CFAP20DC: variants seen among roughly 807,000 people sequenced by gnomAD.
CFAP20DC encodes protein CFAP20DC.
Under a neutral mutation model 101.7 loss-of-function variants are expected in CFAP20DC, and 84 were observed. The observed-to-expected ratio is 0.83, with a 90% CI of 0.69 to 0.99. The LOEUF (loss-of-function observed/expected upper bound fraction) is 0.99. Ranked by LOEUF, CFAP20DC falls within the 50% of genes least tolerant of loss-of-function variation. CFAP20DC has a pLI of 0.00. For synonymous variants in CFAP20DC, 359 were observed against 351.2 expected (o/e 1.02, Z -0.25); for missense variants, 1,007 against 970.3 (o/e 1.04, Z -0.50).
At chr3:58,765,490 C>CAAAAAAAAAAAAAAAAAACAA (rs1337049385) in intron 15 of CFAP20DC, among the ~76,000 whole-genome samples, 30 of 81,760 alleles carry the variant, frequency 3.7e-4, no homozygotes, top group African/African-American at 6.6e-4. Context: ...AAAAAAAAAC[C>CAAAAAAAAAAAAAAAAAACAA]AAAAAAAAAA....
chr3:59,014,303 T>G lies in CFAP20DC; in HGVS notation c.278+25254A>C, dbSNP rs919165770. Among the ~76,000 whole-genome samples, 4 of 152,126 alleles carry G rather than the reference T, an allele frequency of 2.6e-5. No homozygotes were observed. The highest frequency in any genetic ancestry group is 4.4e-5 in the Non-Finnish European group (3 of 68,018). On this transcript the variant is annotated intron_variant, in intron 4 of 16. Coordinates refer to ENST00000482387, the MANE Select transcript of CFAP20DC (RefSeq NM_001394063.1). This position sits in a 1 kb window ranked among gnomAD's most constrained non-coding sequence, Gnocchi z 4.9. ...TATGCAAAACTGTTGCAGGAAGAAA[T>G]GTATCATAAAACATAATGTGAAGCT...
intron 7 of CFAP20DC, among the ~76,000 whole-genome samples, chr3:58,880,892 G>C (rs948804820): frequency 1.3e-5 from 2 of 152,134 alleles, no homozygotes; most frequent in African/African-American, 4.8e-5. Context: ...AAGATTGTGA[G>C]ATATCTTTAA....
chr3:59,012,329 C>G (rs1341142185), intron 4 of CFAP20DC, among the ~76,000 whole-genome samples: 1 of 152,138 alleles, frequency 6.6e-6, no homozygotes, highest in African/African-American at 2.4e-5. Context: ...GTTTCCGGAT[C>G]CTACCAAGAG....
At chr3:59,041,633 C>A (rs1699397743) in intron 3 of CFAP20DC, among the ~76,000 whole-genome samples, 1 of 152,064 alleles carries the variant, frequency 6.6e-6, no homozygotes, top group Non-Finnish European at 1.5e-5. Flanking sequence ...ACATAAAATT[C>A]ATAAAAATTT....
chr3:58,769,398 T>C (rs2070626986), intron 15 of CFAP20DC, among the ~76,000 whole-genome samples: 2 of 152,212 alleles, frequency 1.3e-5, no homozygotes, highest in African/African-American at 2.4e-5. Context: ...CAGTGTGTAA[T>C]GACCTGCCCA....
chr3:58,935,262 G>C (rs1202525612), intron 5 of CFAP20DC, among the ~76,000 whole-genome samples: 11 of 151,986 alleles, frequency 7.2e-5, no homozygotes, highest in African/African-American at 2.2e-4. Context: ...CACTGCTCAA[G>C]GAAATAAAAG....
At chr3:58,831,189 T>C (rs1444666112) in intron 14 of CFAP20DC, among the ~76,000 whole-genome samples, 2 of 152,222 alleles carry the variant, frequency 1.3e-5, no homozygotes, top group Non-Finnish European at 2.9e-5. Flanking sequence ...TTCTGAAGCA[T>C]CCACAGTGCC....
intron 15 of CFAP20DC, among the ~76,000 whole-genome samples, chr3:58,784,400 A>G (rs2072127653): frequency 6.6e-6 from 1 of 152,072 alleles, no homozygotes; most frequent in South Asian, 2.1e-4. Context: ...GCAAGGGTTA[A>G]AAAAACTATT....
At chr3:58,838,913 A>G (rs7638380) in intron 13 of CFAP20DC, among the ~76,000 whole-genome samples, 27,854 of 152,162 alleles carry the variant, frequency 0.18, 4,485 homozygotes, top group African/African-American at 0.42. Context: ...CAGGGCAACT[A>G]TAGCCTTGTA....
At chr3:58,862,789 T>G (rs1173179637) in intron 12 of CFAP20DC, 8 of 982,858 alleles carry the variant, frequency 8.1e-6, no homozygotes, top group Non-Finnish European at 9.7e-6. Flanking sequence ...TATTCTGCTT[T>G]TAGAATAAAT....
At position 59,046,162 on chromosome 3, in the gene CFAP20DC, T is replaced by G. The variant is rs545830214; in HGVS notation, c.205+67A>C. 6.3e-6 allele frequency: 7 copies of G among 1,103,766 alleles called. No homozygotes were observed. The African/African-American group carries it at 9.4e-5, about 15-fold the overall frequency. 68.4% of individuals were successfully genotyped at this position (1,103,766 alleles called of 1,614,324 possible). A position where few individuals can be genotyped will look rare whatever the true frequency, so the allele number is the denominator to read the frequency against. Reference sequence around the variant, plus strand: ...GTAGAAGTCATACTAATGTGCCTGTTTATGAGACATAAAAGCAGAACTTTG... The same window carrying G: ...GTAGAAGTCATACTAATGTGCCTGTGTATGAGACATAAAAGCAGAACTTTG... On this transcript the variant is annotated intron_variant, in intron 3 of 16. Coordinates refer to ENST00000482387, the MANE Select transcript of CFAP20DC (RefSeq NM_001394063.1).
rs2093296362 is a variant in CFAP20DC, at chr3:59,001,086, C to G, written c.278+38471G>C. ...AATAGGGTGCATATTGGAATTACAG[C>G]AGTAAGAGTTAGTAAAGAGAGCAAA... is the stretch of plus-strand genomic sequence containing the variant. On this transcript the variant is annotated intron_variant, in intron 4 of 16. Transcript: ENST00000482387. The surrounding 1 kb of genome is among the most constrained non-coding windows in gnomAD (Gnocchi z 4.5). Among the ~76,000 whole-genome samples, 1 of 151,860 alleles carries G rather than the reference C, an allele frequency of 6.6e-6. No individual in the cohort carries two copies. The highest frequency in any genetic ancestry group is 2.1e-4 in the South Asian group (1 of 4,818).
At chr3:59,032,149 A>G (rs2094007148) in intron 4 of CFAP20DC, among the ~76,000 whole-genome samples, 1 of 152,078 alleles carries the variant, frequency 6.6e-6, no homozygotes, top group African/African-American at 2.4e-5. Context: ...AGCCATGGGG[A>G]GCAATGCATT....
rs7648107 is a variant in CFAP20DC, at chr3:58,851,079, C to T, written c.1594-1670G>A. On this transcript the variant is annotated intron_variant, in intron 12 of 16. Transcript: ENST00000482387. ...TTCTGTTTTCCTTTCTTCTTCATCACGGGCCAAGTACATCTAGGTGCTGCA... is the reference window on the plus strand; with the variant it reads ...TTCTGTTTTCCTTTCTTCTTCATCATGGGCCAAGTACATCTAGGTGCTGCA... 5.0e-3 allele frequency among the ~76,000 whole-genome samples: 761 copies of T among 152,124 alleles called. 6 individuals carry two copies. The highest frequency in any genetic ancestry group is 0.017 in the African/African-American group (701 of 41,510).
At chr3:58,759,844 T>C (rs1019028727) in intron 15 of CFAP20DC, among the ~76,000 whole-genome samples, 1 of 152,248 alleles carries the variant, frequency 6.6e-6, no homozygotes, top group South Asian at 2.1e-4. Flanking sequence ...CAGATGGTTG[T>C]AGATATGCGG....
At chr3:58,994,721 T>C (rs1407784444) in intron 4 of CFAP20DC, among the ~76,000 whole-genome samples, 1 of 151,908 alleles carries the variant, frequency 6.6e-6, no homozygotes, top group African/African-American at 2.4e-5. Flanking sequence ...TTTAAAATGA[T>C]ATCCATAAAT....
chr3:58,768,234 T>C (rs9874275), intron 15 of CFAP20DC, among the ~76,000 whole-genome samples: 18,257 of 152,164 alleles, frequency 0.12, 1,991 homozygotes, highest in East Asian at 0.35. Flanking sequence ...ACAATGAAGA[T>C]GGGAGCTAAA....
At chr3:58,953,979 CTA>C (rs1305975315) in intron 4 of CFAP20DC, among the ~76,000 whole-genome samples, 1 of 152,112 alleles carries the variant, frequency 6.6e-6, no homozygotes, top group Admixed American at 6.6e-5. Context: ...AGTAATGAGA[CTA>C]TGTTGAGAGA....
At chr3:58,804,122 C>T (rs1249937414) in intron 15 of CFAP20DC, among the ~76,000 whole-genome samples, 1 of 152,144 alleles carries the variant, frequency 6.6e-6, no homozygotes, top group African/African-American at 2.4e-5. Flanking sequence ...TTGTAAAAGT[C>T]ACAGAATCAT....
Sources: allele counts gnomAD v4.1 joint callset (sites outside exome capture counted in the v4.1 genomes callset), GRCh38; gene constraint gnomAD v4.1.1; non-coding constraint Gnocchi (gnomAD v3.1); transcripts MANE v1.5; gene names NCBI Gene and HGNC (gene_info 2026-07-23, HGNC 2026-07-21).